Variants in TOM1L2 observed in about 807,000 individuals in gnomAD.
TOM1L2 encodes TOM1-like protein 2.
Under a neutral mutation model 67.9 loss-of-function variants are expected in TOM1L2, and 31 were observed. That is an observed-to-expected ratio of 0.46 (90% CI 0.34 to 0.62). TOM1L2 has a LOEUF of 0.62. Among genes scored for constraint, TOM1L2 ranks in the 20% least tolerant of loss-of-function variants. The pLI, the probability that TOM1L2 is intolerant of heterozygous loss-of-function variation, is 0.01. For missense variants in TOM1L2, 606 were observed against 663.5 expected (o/e 0.91, Z 0.95); for synonymous variants, 256 against 254.0 (o/e 1.01, Z -0.07).
chr17:17,874,581 T>TA (rs1347288337), intron 7 of TOM1L2, among the ~76,000 whole-genome samples: 2 of 152,152 alleles, frequency 1.3e-5, no homozygotes, highest in Non-Finnish European at 2.9e-5. Flanking sequence ...TCCATTACTT[T>TA]AAAAAAACGT....
At chr17:17,952,376 C>CTTTTTTTTTTTTTTTTTTT (rs60388742) in intron 1 of TOM1L2, among the ~76,000 whole-genome samples, 1 of 79,920 alleles carries the variant, frequency 1.3e-5, no homozygotes, top group African/African-American at 4.4e-5. Context: ...TCTTTATTTT[C>CTTTTTTTTTTTTTTTTTTT]TTTTTTTTTT....
At chr17:17,969,854 A>T (rs1049523792) in intron 1 of TOM1L2, among the ~76,000 whole-genome samples, 4 of 120,362 alleles carry the variant, frequency 3.3e-5, no homozygotes, top group Non-Finnish European at 6.6e-5. Context: ...TGTGAATAGG[A>T]ATCTTTCTCT....
At chr17:17,948,123 C>A (rs1233237059) in intron 1 of TOM1L2, among the ~76,000 whole-genome samples, 1 of 152,188 alleles carries the variant, frequency 6.6e-6, no homozygotes, top group Non-Finnish European at 1.5e-5. Flanking sequence ...TATCATGATA[C>A]AATGTTTGTC....
rs3744115 is a variant in TOM1L2 at position 17,846,508 on chromosome 17, G to A, written c.*1127C>T. ...TGCCTGCCTTCAGGATCAGCTTGGG[G>A]AGAGAGTATAAATTGGTGGCCAGAG... On this transcript the variant is annotated 3_prime_UTR_variant, in exon 15 of 15. Transcript: ENST00000379504. The A allele has an allele frequency of 0.53, 80,475 of 152,406 alleles. 22,440 individuals carry two copies. Among genetic ancestry groups the A allele is most frequent in the Non-Finnish European group, 0.63 (42,985 of 68,146 alleles). 9.4% of individuals were successfully genotyped at this position (152,406 alleles called of 1,614,324 possible). A position where few individuals can be genotyped will look rare whatever the true frequency, so the allele number is the denominator to read the frequency against.
chr17:17,864,418 G>A (rs1298537280), intron 10 of TOM1L2, among the ~76,000 whole-genome samples: 1 of 150,614 alleles, frequency 6.6e-6, no homozygotes, highest in Admixed American at 6.6e-5. Context: ...CACCGTGCTA[G>A]CCAGGATGGT....
At chr17:17,925,682 CAAA>C (rs1193121320) in intron 1 of TOM1L2, among the ~76,000 whole-genome samples, 3 of 79,706 alleles carry the variant, frequency 3.8e-5, no homozygotes, top group Non-Finnish European at 2.5e-5. Flanking sequence ...TCGTGTCTAC[CAAA>C]AAAAAAAAAA....
chr17:17,852,864 TAAAAAAAAAAAAAAAAAA>T (rs552138706), intron 12 of TOM1L2, among the ~76,000 whole-genome samples: 1 of 37,728 alleles, frequency 2.7e-5, no homozygotes, highest in Non-Finnish European at 5.3e-5. Flanking sequence ...AAACTCTGTC[TAAAAAAAAAAAAAAAAAA>T]AAAAAAAAGA....
chr17:17,869,139 G>T, intron 8 of TOM1L2: 1 of 971,710 alleles, frequency 1.0e-6, no homozygotes, highest in Non-Finnish European at 1.5e-6. Context: ...TCAACTTCCT[G>T]CTGCTTCTGC....
chr17:17,891,136 A>AT (rs1435190751), intron 4 of TOM1L2, among the ~76,000 whole-genome samples: 3 of 152,256 alleles, frequency 2.0e-5, no homozygotes, highest in Non-Finnish European at 4.4e-5. Flanking sequence ...CTTGTGAGGC[A>AT]TCTCAAGGCC....
chr17:17,915,739 C>T (rs1189246491), intron 1 of TOM1L2, among the ~76,000 whole-genome samples: 1 of 151,904 alleles, frequency 6.6e-6, no homozygotes, highest in African/African-American at 2.4e-5. Flanking sequence ...CCAGGCTGAT[C>T]TTGAACGCCT....
chr17:17,920,217 C>CTT (rs200600237), intron 1 of TOM1L2, among the ~76,000 whole-genome samples: 4 of 135,212 alleles, frequency 3.0e-5, no homozygotes, highest in Admixed American at 1.5e-4. Context: ...TTCTCTCGTT[C>CTT]TTTTTTTTTT....
intron 1 of TOM1L2, among the ~76,000 whole-genome samples, chr17:17,970,868 A>G (rs2042043906): frequency 6.6e-6 from 1 of 152,142 alleles, no homozygotes; most frequent in Non-Finnish European, 1.5e-5. Context: ...CTCATAAAAG[A>G]CGTTTTACCA....
intron 6 of TOM1L2, among the ~76,000 whole-genome samples, chr17:17,881,897 G>A (rs1480313643): frequency 6.6e-6 from 1 of 152,200 alleles, no homozygotes; most frequent in African/African-American, 2.4e-5. Context: ...CTTCAGTGAG[G>A]TTCCACAGTC....
intron 14 of TOM1L2, among the ~76,000 whole-genome samples, chr17:17,848,293 C>A (rs1392420377): frequency 1.3e-5 from 2 of 152,118 alleles, no homozygotes; most frequent in Non-Finnish European, 2.9e-5. Context: ...CAGGGTCTGG[C>A]AGACCTGGGG....
intron 7 of TOM1L2, among the ~76,000 whole-genome samples, chr17:17,878,913 G>A (rs1431784677): frequency 2.0e-5 from 3 of 151,952 alleles, no homozygotes; most frequent in African/African-American, 7.3e-5. Context: ...CTCTGGACCT[G>A]GCTGCCCTGG....
Position 17,864,761 on chromosome 17 carries a change from C to T in TOM1L2, c.1084+1535G>A, listed in dbSNP as rs556957115. Among the ~76,000 whole-genome samples, 5 of 152,246 alleles carry T rather than the reference C, an allele frequency of 3.3e-5. No individual in the cohort carries two copies. The East Asian group carries it at 7.7e-4, about 23-fold the overall frequency. On this transcript the variant is annotated intron_variant, in intron 10 of 14. Transcript: ENST00000379504. ...TCCTGACTTCAGGTGATCCACCTGC[C>T]GCAGCCTCCCAAAGTCTTGGGATTA... is the stretch of plus-strand genomic sequence containing the variant.
intron 3 of TOM1L2, among the ~76,000 whole-genome samples, chr17:17,894,695 C>A (rs1333992859): frequency 6.6e-6 from 1 of 152,226 alleles, no homozygotes; most frequent in African/African-American, 2.4e-5. Context: ...CTTTGGGAGG[C>A]CGAGGCAGGT....
chr17:17,857,496 A>T (rs2036310239), intron 12 of TOM1L2, among the ~76,000 whole-genome samples: 1 of 152,186 alleles, frequency 6.6e-6, no homozygotes, highest in Non-Finnish European at 1.5e-5. Context: ...GAGACAGTAA[A>T]AGGAAGGAAA....
chr17:17,916,866 T>C (rs1037270896), intron 1 of TOM1L2, among the ~76,000 whole-genome samples: 2 of 151,592 alleles, frequency 1.3e-5, no homozygotes, highest in African/African-American at 2.4e-5. Context: ...CTACTAAAAA[T>C]ACAAAAATTA....
Sources: gnomAD v4.1 joint callset for allele counts (sites outside exome capture counted in the v4.1 genomes callset) on GRCh38, gnomAD v4.1.1 for gene constraint, MANE v1.5 for transcripts, NCBI Gene and HGNC (gene_info 2026-07-23, HGNC 2026-07-21) for gene names.